Variants in KLF12 observed in about 807,000 individuals in gnomAD.
KLF12 encodes the protein Krueppel-like factor 12.
In KLF12, 9 loss-of-function variants were observed where a neutral mutation model predicts 37.8. The ratio of observed to expected loss-of-function variants is 0.24; its 90% CI spans 0.14 to 0.42. The LOEUF is 0.42. Among genes scored for constraint, KLF12 ranks in the 10% least tolerant of loss-of-function variants. The pLI, the probability that KLF12 is intolerant of heterozygous loss-of-function variation, is 1.00. For missense variants in KLF12, 411 were observed against 516.0 expected (o/e 0.80, Z 1.97); for synonymous variants, 208 against 202.1 (o/e 1.03, Z -0.25).
At chr13:73,957,963 A>G (rs1398080750) in intron 2 of KLF12, among the ~76,000 whole-genome samples, 1 of 152,174 alleles carries the variant, frequency 6.6e-6, no homozygotes, top group Non-Finnish European at 1.5e-5. Flanking sequence ...AAAAGAGGGA[A>G]TTGGTTTTAG....
rs1873714310 is a variant in KLF12, at chr13:73,689,806, A to G, written c.*5684T>C. 6.6e-6 allele frequency: 1 copy of G among 152,214 alleles called. No individual in the cohort carries two copies. The highest frequency in any genetic ancestry group is 1.5e-5 in the Non-Finnish European group (1 of 68,036). 9.4% of individuals were successfully genotyped at this position (152,214 alleles called of 1,614,324 possible). The stretch of plus-strand genomic sequence containing the variant: ...GAGTGGATAAAATGAACAAGCAAAC[A>G]AATATCCTTCAGTCTTTTGCGCCAA... On this transcript the variant is annotated 3_prime_UTR_variant, in exon 8 of 8. Coordinates refer to ENST00000377669, the MANE Select transcript of KLF12 (RefSeq NM_007249.5).
At chr13:74,076,557 A>C (rs1874573832) in intron 1 of KLF12, among the ~76,000 whole-genome samples, 1 of 152,222 alleles carries the variant, frequency 6.6e-6, no homozygotes, top group Admixed American at 6.5e-5. Context: ...AATCCCATTC[A>C]TGAGAGGAGA....
intron 5 of KLF12, chr13:73,800,604 G>C (rs1882234060): frequency 1.3e-5 from 2 of 151,922 alleles, no homozygotes; most frequent in Non-Finnish European, 2.9e-5. Flanking sequence ...CATTAATTAA[G>C]ATGCAGAATT....
intron 1 of KLF12, among the ~76,000 whole-genome samples, chr13:74,132,545 C>T (rs1031606614): frequency 1.3e-5 from 2 of 152,152 alleles, no homozygotes; most frequent in African/African-American, 4.8e-5. Context: ...GACACTTTAG[C>T]CATCTATACA....
intron 2 of KLF12, among the ~76,000 whole-genome samples, chr13:73,963,466 T>G (rs1891084619): frequency 6.6e-6 from 1 of 152,180 alleles, no homozygotes; most frequent in Non-Finnish European, 1.5e-5. Flanking sequence ...CCTTAACTTT[T>G]CTATTTATTT....
At chr13:73,779,011 G>A (rs1880799480) in intron 5 of KLF12, among the ~76,000 whole-genome samples, 1 of 152,052 alleles carries the variant, frequency 6.6e-6, no homozygotes, top group South Asian at 2.1e-4. Flanking sequence ...AACTAGTCTG[G>A]GCTATTTAAA....
At chr13:73,967,635 C>G (rs1439350200) in intron 2 of KLF12, among the ~76,000 whole-genome samples, 1 of 152,166 alleles carries the variant, frequency 6.6e-6, no homozygotes, top group African/African-American at 2.4e-5. Flanking sequence ...AGGTCTGTCT[C>G]TTCATCAATA....
In KLF12 at chr13:73,688,105, T is replaced by C. The variant is rs567051228; in HGVS notation, c.*7385A>G. ...GGGAGAAAGATAATAATTCAGGAGA[T>C]TCATTTTCAGAAACAGAAACACTAT... is the stretch of plus-strand genomic sequence containing the variant. On this transcript the variant is annotated 3_prime_UTR_variant, in exon 8 of 8. Coordinates refer to ENST00000377669, the MANE Select transcript of KLF12 (RefSeq NM_007249.5). 2.0e-4 allele frequency: 30 copies of C among 152,664 alleles called. No homozygotes were observed. Among genetic ancestry groups the C allele is most frequent in the African/African-American group, 7.0e-4 (29 of 41,546 alleles). 9.5% of individuals were successfully genotyped at this position (152,664 alleles called of 1,614,324 possible). A position where few individuals can be genotyped will look rare whatever the true frequency, so the allele number is the denominator to read the frequency against.
chr13:74,103,246 C>T (rs1036668642), intron 1 of KLF12, among the ~76,000 whole-genome samples: 4 of 152,218 alleles, frequency 2.6e-5, no homozygotes, highest in African/African-American at 9.6e-5. Flanking sequence ...GGACACTTTA[C>T]AATTTCATCC....
intron 3 of KLF12, among the ~76,000 whole-genome samples, chr13:73,932,598 A>G (rs1043233152): frequency 7.2e-5 from 11 of 152,168 alleles, no homozygotes; most frequent in Admixed American, 2.0e-4. Context: ...CAATCTATTG[A>G]TTTCAAAAAT....
At chr13:73,877,593 T>A (rs1459991818) in intron 3 of KLF12, among the ~76,000 whole-genome samples, 1 of 152,222 alleles carries the variant, frequency 6.6e-6, no homozygotes, top group African/African-American at 2.4e-5. Flanking sequence ...CCACTGTTGA[T>A]ATTGACAGGT....
the KLF12 span, among the ~76,000 whole-genome samples, chr13:74,251,176 G>A: frequency 6.6e-6 from 1 of 151,950 alleles, no homozygotes; most frequent in Non-Finnish European, 1.5e-5. Flanking sequence ...TTTTGAGATG[G>A]AGTCTAATTC....
the KLF12 span, among the ~76,000 whole-genome samples, chr13:74,219,593 T>TA: frequency 1.4e-3 from 213 of 152,310 alleles, 1 homozygote; most frequent in African/African-American, 4.8e-3. Flanking sequence ...TTTAAAACAC[T>TA]AAAAAATTTT....
intron 1 of KLF12, among the ~76,000 whole-genome samples, chr13:74,103,986 G>GAATAATTTTTCCCATGGAAATAATTACC (rs1876510518): frequency 6.6e-6 from 1 of 152,078 alleles, no homozygotes. Flanking sequence ...AGAAAGATAA[G>GAATAATTTTTCCCATGGAAATAATTACC]AATAATTTTT....
the KLF12 span, among the ~76,000 whole-genome samples, chr13:74,247,524 C>T: frequency 6.6e-6 from 1 of 152,124 alleles, no homozygotes; most frequent in Admixed American, 6.6e-5. Flanking sequence ...TTCTTATCTC[C>T]GACAGGATAC....
At chr13:74,034,792 T>C (rs1893206490) in intron 1 of KLF12, among the ~76,000 whole-genome samples, 1 of 152,250 alleles carries the variant, frequency 6.6e-6, no homozygotes, top group African/African-American at 2.4e-5. Context: ...GGCAAACTGC[T>C]GTATTAAGAT....
the KLF12 span, among the ~76,000 whole-genome samples, chr13:74,143,343 C>CAATTTCATTCTCAATTCCAAATAG: frequency 6.6e-6 from 1 of 152,230 alleles, no homozygotes; most frequent in Non-Finnish European, 1.5e-5. Flanking sequence ...AATTCAAATA[C>CAATTTCATTCTCAATTCCAAATAG]AATTTCATTC....
chr13:74,203,143 T>G, the KLF12 span, among the ~76,000 whole-genome samples: 1 of 152,136 alleles, frequency 6.6e-6, no homozygotes, highest in Non-Finnish European at 1.5e-5. Context: ...AATTTATATC[T>G]GGGCATATTT....
At chr13:74,232,425 T>G in the KLF12 span, among the ~76,000 whole-genome samples, 1 of 152,228 alleles carries the variant, frequency 6.6e-6, no homozygotes, top group Non-Finnish European at 1.5e-5. Context: ...TTGACCTTGA[T>G]AATTTATTCA....
Sources: allele counts gnomAD v4.1 joint callset (sites outside exome capture counted in the v4.1 genomes callset), GRCh38; gene constraint gnomAD v4.1.1; transcripts MANE v1.5; gene names NCBI Gene and HGNC (gene_info 2026-07-23, HGNC 2026-07-21).